The following MDFIC2 variants were observed in gnomAD, a reference collection of about 807,000 sequenced individuals.
MDFIC2 encodes MyoD family inhibitor domain containing 2, also known as myoD family inhibitor domain-containing protein 2.
At chr3:70,299,063 G>A (rs1475313720) in intron 2 of MDFIC2, among the ~76,000 whole-genome samples, 1 of 152,066 alleles carries the variant, frequency 6.6e-6, no homozygotes, top group Non-Finnish European at 1.5e-5. Flanking sequence ...CAGATTATAA[G>A]GAGATACCAA....
intron 2 of MDFIC2, among the ~76,000 whole-genome samples, chr3:70,221,678 A>T (rs1701460907): frequency 6.6e-6 from 1 of 152,178 alleles, no homozygotes; most frequent in Admixed American, 6.5e-5. Context: ...CTGGTCAATG[A>T]TGCCAAGGTT....
In MDFIC2 at chr3:70,302,124, G is replaced by T. The variant is rs562660584; in HGVS notation, c.88+9762C>A. On this transcript the variant is annotated intron_variant, in intron 2 of 3. Coordinates refer to ENST00000567252, the MANE Select transcript of MDFIC2 (RefSeq NM_001364677.1). Reference sequence around the variant, plus strand: ...GAAGTTATACGCTGGCAAAACTACTGTCATTGCCCTTGCTTTTCATCTTTG... The same window carrying T: ...GAAGTTATACGCTGGCAAAACTACTTTCATTGCCCTTGCTTTTCATCTTTG... 3.3e-5 allele frequency among the ~76,000 whole-genome samples: 5 copies of T among 152,244 alleles called. No individual in the cohort carries two copies. The South Asian group carries it at 1.0e-3, about 32-fold the overall frequency.
In MDFIC2 at chr3:70,286,877, A is replaced by G. The variant is rs535634105; in HGVS notation, c.88+25009T>C. Among the ~76,000 whole-genome samples, 9 of 152,124 alleles carry G rather than the reference A, an allele frequency of 5.9e-5. No individual in the cohort carries two copies. In the East Asian group the frequency reaches 1.7e-3, roughly 29 times the overall value. On this transcript the variant is annotated intron_variant, in intron 2 of 3. Coordinates refer to ENST00000567252, the MANE Select transcript of MDFIC2 (RefSeq NM_001364677.1). The stretch of plus-strand genomic sequence containing the variant: ...TCTGTTTGTCTGTTGTTGGTGTATA[A>G]GAATGCTTGTGATTTTTGTACATTG...
chr3:70,239,693 A>C (rs1342398561), intron 2 of MDFIC2, among the ~76,000 whole-genome samples: 1 of 151,994 alleles, frequency 6.6e-6, no homozygotes, highest in Non-Finnish European at 1.5e-5. Context: ...TCTCAAGTCT[A>C]TTTCATCATT....
intron 2 of MDFIC2, among the ~76,000 whole-genome samples, chr3:70,308,791 A>C (rs555559334): frequency 6.6e-6 from 1 of 152,284 alleles, no homozygotes; most frequent in East Asian, 1.9e-4. Flanking sequence ...AAATAATAGC[A>C]GTACTCAGAA....
chr3:70,254,183 A>G (rs552533073), intron 2 of MDFIC2, among the ~76,000 whole-genome samples: 28 of 152,278 alleles, frequency 1.8e-4, no homozygotes, highest in Middle Eastern at 3.4e-3. Flanking sequence ...TAGTAATGAT[A>G]AAACATTAGT....
At chr3:70,263,765 A>G (rs995787262) in intron 2 of MDFIC2, among the ~76,000 whole-genome samples, 2 of 151,934 alleles carry the variant, frequency 1.3e-5, no homozygotes, top group Non-Finnish European at 2.9e-5. Flanking sequence ...TCTTTCCTTC[A>G]TCTCAGTAAC....
chr3:70,210,138 G>A (rs987616958), intron 2 of MDFIC2, among the ~76,000 whole-genome samples: 2 of 152,048 alleles, frequency 1.3e-5, no homozygotes, highest in East Asian at 1.9e-4. Flanking sequence ...AACATGCGGC[G>A]AATACAGTAT....
intron 2 of MDFIC2, among the ~76,000 whole-genome samples, chr3:70,306,381 G>A (rs878983962): frequency 1.3e-5 from 2 of 152,138 alleles, no homozygotes; most frequent in African/African-American, 4.8e-5. Context: ...AAAGTGCTGG[G>A]ATTATAGGCA....
At chr3:70,207,503 A>G (rs939123195) in intron 2 of MDFIC2, among the ~76,000 whole-genome samples, 3 of 152,064 alleles carry the variant, frequency 2.0e-5, no homozygotes, top group Admixed American at 6.6e-5. Flanking sequence ...AGAGCCATAG[A>G]GAAGGCTGAG....
intron 2 of MDFIC2, among the ~76,000 whole-genome samples, chr3:70,245,245 A>C (rs140613264): frequency 0.02 from 3,032 of 152,264 alleles, 76 homozygotes; most frequent in Non-Finnish European, 0.026. Flanking sequence ...TTTCAAAAGA[A>C]GATGAGAATT....
At chr3:70,207,863 C>T (rs991806263) in intron 2 of MDFIC2, among the ~76,000 whole-genome samples, 12 of 152,104 alleles carry the variant, frequency 7.9e-5, no homozygotes, top group Admixed American at 6.6e-4. Flanking sequence ...CAGTTCCCCT[C>T]AGACACTGAG....
At chr3:70,234,463 A>G (rs540487407) in intron 2 of MDFIC2, among the ~76,000 whole-genome samples, 6 of 152,164 alleles carry the variant, frequency 3.9e-5, no homozygotes, top group Admixed American at 1.3e-4. Flanking sequence ...AGCCTGGGCA[A>G]CATAACAAAA....
rs1024515899 is a variant in MDFIC2, at chr3:70,195,290, A to G, written c.*1636T>C. On this transcript the variant is annotated 3_prime_UTR_variant, in exon 4 of 4. Transcript: ENST00000567252. The stretch of plus-strand genomic sequence containing the variant: ...GTTTCTTCGAGCTTCTGAAAAGCAG[A>G]AAGACTTTTTCATGGAAGGTGTGGG... 6.6e-6 allele frequency among the ~76,000 whole-genome samples: 1 copy of G among 152,166 alleles called. No individual in the cohort carries two copies. The highest frequency in any genetic ancestry group is 1.5e-5 in the Non-Finnish European group (1 of 68,022).
chr3:70,236,004 A>C (rs1342226228), intron 2 of MDFIC2, among the ~76,000 whole-genome samples: 1 of 152,166 alleles, frequency 6.6e-6, no homozygotes, highest in Admixed American at 6.5e-5. Context: ...GTGCTTGAAA[A>C]AATACTAGCA....
At chr3:70,261,890 G>T (rs1029738804) in intron 2 of MDFIC2, among the ~76,000 whole-genome samples, 1 of 152,030 alleles carries the variant, frequency 6.6e-6, no homozygotes, top group Non-Finnish European at 1.5e-5. Flanking sequence ...AGAAGATCCG[G>T]GGCTGAAATC....
At chr3:70,244,574 A>C (rs1701689214) in intron 2 of MDFIC2, among the ~76,000 whole-genome samples, 1 of 152,258 alleles carries the variant, frequency 6.6e-6, no homozygotes, top group South Asian at 2.1e-4. Flanking sequence ...AAGAAGAGAC[A>C]AGATTGACTG....
chr3:70,286,393 G>A (rs1297712104), intron 2 of MDFIC2, among the ~76,000 whole-genome samples: 5 of 151,744 alleles, frequency 3.3e-5, no homozygotes, highest in African/African-American at 9.7e-5. Flanking sequence ...ATTTCTGAGG[G>A]CTCTGTTCTG....
At chr3:70,206,210 C>T (rs186387585) in intron 3 of MDFIC2, among the ~76,000 whole-genome samples, 102 of 152,132 alleles carry the variant, frequency 6.7e-4, no homozygotes, top group African/African-American at 2.3e-3. Context: ...CTATTTCTCT[C>T]TGCCTTCTTT....
Sources: gnomAD v4.1 joint callset for allele counts (sites outside exome capture counted in the v4.1 genomes callset) on GRCh38, gnomAD v4.1.1 for gene constraint, MANE v1.5 for transcripts, NCBI Gene and HGNC (gene_info 2026-07-23, HGNC 2026-07-21) for gene names.